XRN2: variants seen among roughly 807,000 people sequenced by gnomAD.
The protein encoded by XRN2 is DHM1-like protein.
A neutral mutation model predicts 138.5 loss-of-function variants in XRN2; 44 were observed. The observed-to-expected ratio is 0.32, with a 90% CI of 0.25 to 0.41. XRN2 has a LOEUF of 0.41. Among genes scored for constraint, XRN2 ranks in the 10% least tolerant of loss-of-function variants. XRN2 has a pLI of 1.00. For synonymous variants in XRN2, 354 were observed against 369.4 expected, an observed-to-expected ratio of 0.96 and a Z score of 0.48; for missense variants, 937 against 1,169.3, an observed-to-expected ratio of 0.80 and a Z score of 2.90.
intron 28 of XRN2, among the ~76,000 whole-genome samples, chr20:21,384,423 A>C (rs550777341): frequency 6.6e-6 from 1 of 152,366 alleles, no homozygotes; most frequent in East Asian, 1.9e-4. Flanking sequence ...CAATTTGGAA[A>C]CTTAAAAAAA....
rs759281349 is a variant in XRN2, at chr20:21,333,718, A to G, written c.948A>G (p.Glu316=). 6 of 1,613,942 alleles carry G rather than the reference A, an allele frequency of 3.7e-6. No homozygotes were observed. In the African/African-American group the frequency reaches 5.3e-5, roughly 14 times the overall value. Reference sequence around the variant, plus strand: ...TTTGGTTGTAGTATTTGGAAAGAGAACTCACAATGGCCAGCCTACCATTCA... The same window carrying G: ...TTTGGTTGTAGTATTTGGAAAGAGAGCTCACAATGGCCAGCCTACCATTCA... The part of the protein sequence containing the change: ...LNVLREYLER[E]LTMASLPFTF... The change falls in exon 11 of 30, where the codon GAA becomes GAG. Residue 316 remains glutamate, a synonymous_variant. Coordinates refer to ENST00000377191, the MANE Select transcript of XRN2 (RefSeq NM_012255.5).
At chr20:21,338,070 A>G (rs184790975) in intron 13 of XRN2, among the ~76,000 whole-genome samples, 8 of 152,314 alleles carry the variant, frequency 5.3e-5, no homozygotes, top group African/African-American at 1.7e-4. Flanking sequence ...TGTATCCGGC[A>G]TTCAGCTTTT....
chr20:21,305,334 T>G (rs2037800879), intron 1 of XRN2, among the ~76,000 whole-genome samples: 1 of 152,136 alleles, frequency 6.6e-6, no homozygotes, highest in East Asian at 1.9e-4. Flanking sequence ...CTCGGCTCAC[T>G]ACAACCTCTG....
At chr20:21,332,232 C>T in intron 8 of XRN2, 51 bp from the exon 9 acceptor site, 1 of 1,574,094 alleles carries the variant, frequency 6.4e-7, no homozygotes, top group Non-Finnish European at 8.6e-7. Context: ...TATGGTAAGA[C>T]TTCTCTCAGA....
At position 21,346,421 on chromosome 20, in the gene XRN2, G is replaced by A. The variant is rs1250932714; in HGVS notation, c.1536G>A (p.Trp512Ter). The change falls in exon 17 of 30, where the codon TGG becomes TGA. Residue 512 changes from tryptophan to a stop codon, truncating the protein, a stop_gained. Transcript: ENST00000377191. LOFTEE classifies it high-confidence loss of function. ...GAGCTGTGCCTGGTTTTAGGTTATG[G>A]GAAGCTGGCTGGAAGCAGCGGTACT... Reference protein sequence around the residue: ...EPEPEDNVRLWEAGWKQRYYK... With the variant: ...EPEPEDNVRL 6.2e-7 allele frequency: 1 copy of A among 1,613,872 alleles called. No homozygotes were observed. The highest frequency in any genetic ancestry group is 1.3e-5 in the African/African-American group (1 of 74,870).
chr20:21,348,736 C>T (rs754028344), intron 19 of XRN2, among the ~76,000 whole-genome samples: 29 of 152,100 alleles, frequency 1.9e-4, no homozygotes, highest in Admixed American at 8.5e-4. Context: ...CTCTGCCTCC[C>T]GGGTTCACGC....
intron 27 of XRN2, among the ~76,000 whole-genome samples, chr20:21,374,022 T>C (rs1475136209): frequency 6.6e-6 from 1 of 152,204 alleles, no homozygotes; most frequent in African/African-American, 2.4e-5. Context: ...CTTGTAACTT[T>C]TAAGTTTGAA....
chr20:21,339,790 TTGCATAA>T (rs1449857508), intron 14 of XRN2, among the ~76,000 whole-genome samples: 4 of 152,340 alleles, frequency 2.6e-5, no homozygotes, highest in Non-Finnish European at 5.9e-5. Flanking sequence ...TCTTACTTAA[TTGCATAA>T]TGCTTTATAG....
At position 21,357,803 on chromosome 20, in the gene XRN2, C is replaced by T. The variant is rs2038594010; in HGVS notation, c.2255+11C>T. The T allele has an allele frequency of 1.9e-6, 3 of 1,596,918 alleles. No homozygotes were observed. The highest frequency in any genetic ancestry group is 2.6e-6 in the Non-Finnish European group (3 of 1,172,272). ...GAACACTGTAGTCAGGTAAGTTTTCCAAAATTCATGGCATTCACCCAGAAC... is the reference window on the plus strand; with the variant it reads ...GAACACTGTAGTCAGGTAAGTTTTCTAAAATTCATGGCATTCACCCAGAAC... On this transcript the variant is annotated intron_variant, in intron 24 of 29. Transcript: ENST00000377191.
At chr20:21,342,293 T>C (rs1249034110) in intron 15 of XRN2, among the ~76,000 whole-genome samples, 1 of 152,178 alleles carries the variant, frequency 6.6e-6, no homozygotes, top group Non-Finnish European at 1.5e-5. Flanking sequence ...AGCTTCCATT[T>C]CCTTATATTT....
intron 1 of XRN2, 25 bp from the exon 2 acceptor site, chr20:21,326,254 A>G (rs1421239151): frequency 1.0e-5 from 16 of 1,607,830 alleles, no homozygotes; most frequent in Non-Finnish European, 1.4e-5. Flanking sequence ...CAATCAAACT[A>G]CTATTAATTA....
intron 1 of XRN2, among the ~76,000 whole-genome samples, chr20:21,316,407 T>C (rs2037959983): frequency 6.6e-6 from 1 of 152,074 alleles, no homozygotes; most frequent in South Asian, 2.1e-4. Flanking sequence ...TTCGGAAGAG[T>C]TTTATAGCTT....
chr20:21,342,843 A>G (rs2038389346), intron 15 of XRN2, among the ~76,000 whole-genome samples: 1 of 152,162 alleles, frequency 6.6e-6, no homozygotes, highest in African/African-American at 2.4e-5. Context: ...TGAATTTGGT[A>G]TTTCAGACTC....
chr20:21,351,717 T>C (rs1424152394), intron 20 of XRN2, among the ~76,000 whole-genome samples: 1 of 152,246 alleles, frequency 6.6e-6, no homozygotes, highest in East Asian at 1.9e-4. Flanking sequence ...TACACAGTTT[T>C]AGTTCTTACA....
chr20:21,356,785 C>T (rs1345269715), intron 23 of XRN2, 120 bp downstream of exon 23: 4 of 892,350 alleles, frequency 4.5e-6, no homozygotes, highest in Non-Finnish European at 6.7e-6. Flanking sequence ...TAAAATAAGA[C>T]AAAACCTTGC....
rs143832454 is a variant in XRN2 at position 21,346,511 on chromosome 20, C to T, written c.1626C>T (p.Tyr542=). Residue 542 remains tyrosine (Y), a synonymous_variant, in exon 17 of 30, where the codon TAC becomes TAT. Transcript: ENST00000377191. ...TCCGTCGGAAAGTTGTGCAGTCGTACGTTGAAGGACTTTGCTGGGTTCTTA... is the reference window on the plus strand; with the variant it reads ...TCCGTCGGAAAGTTGTGCAGTCGTATGTTGAAGGACTTTGCTGGGTTCTTA... The part of the protein sequence containing the change: ...EKFRRKVVQS[Y]VEGLCWVLRY... 25 of 1,613,944 alleles carry T rather than the reference C, an allele frequency of 1.5e-5. No individual in the cohort carries two copies. The highest frequency in any genetic ancestry group is 1.2e-4 in the South Asian group (11 of 91,086).
intron 9 of XRN2, 115 bp from the exon 10 acceptor site, chr20:21,333,429 A>G (rs1023141803): frequency 3.8e-6 from 4 of 1,057,942 alleles, no homozygotes; most frequent in Non-Finnish European, 5.7e-6. Flanking sequence ...TAAAAATTAA[A>G]TACTTGTGAT....
chr20:21,325,929 A>G (rs2038122342), intron 1 of XRN2, among the ~76,000 whole-genome samples: 1 of 152,210 alleles, frequency 6.6e-6, no homozygotes, highest in Admixed American at 6.5e-5. Flanking sequence ...GAGATGAAGT[A>G]GGTAAGCATT....
rs369642280 is a variant in XRN2, at chr20:21,304,718, T to C, written c.75+1245T>C. ...TCTTAATGGAGTAAATCACTAGATA[T>C]ATATTTTTATTGGTAAGCTTTATAA... is the stretch of plus-strand genomic sequence containing the variant. On this transcript the variant is annotated intron_variant, in intron 1 of 29. Coordinates refer to ENST00000377191, the MANE Select transcript of XRN2 (RefSeq NM_012255.5). Among the ~76,000 whole-genome samples the C allele has an allele frequency of 3.3e-5, 5 of 152,332 alleles. No homozygotes were observed. In the East Asian group the frequency reaches 7.7e-4, roughly 24 times the overall value.
Sources: gnomAD v4.1 joint callset for allele counts (sites outside exome capture counted in the v4.1 genomes callset) on GRCh38, gnomAD v4.1.1 for gene constraint, MANE v1.5 for transcripts, NCBI Gene and HGNC (gene_info 2026-07-23, HGNC 2026-07-21) for gene names.